The following DMD variants were observed in gnomAD, a reference collection of about 807,000 sequenced individuals.
DMD encodes the protein dystrophin.
Under a neutral mutation model 330.1 loss-of-function variants are expected in DMD, and 63 were observed. The observed-to-expected ratio is 0.19, with a 90% CI of 0.16 to 0.24. DMD has a LOEUF of 0.24. Ranked by LOEUF, DMD falls within the 10% of genes least tolerant of loss-of-function variation. The pLI, the probability that DMD is intolerant of heterozygous loss-of-function variation, is 1.00. For missense variants in DMD, 3,344 were observed against 2,684.1 expected, an observed-to-expected ratio of 1.25 and a Z score of -5.43; for synonymous variants, 1,223 against 959.8, an observed-to-expected ratio of 1.27 and a Z score of -5.07.
chrX:32,054,988 G>C (rs908032473), intron 44 of DMD, among the ~76,000 whole-genome samples: 6 of 110,808 alleles, frequency 5.4e-5, no homozygotes, highest in Admixed American at 1.9e-4. Flanking sequence ...TAGTTATTCT[G>C]TGCAAAAACG....
intron 44 of DMD, among the ~76,000 whole-genome samples, chrX:32,014,327 A>ACGT (rs766200459): frequency 9.1e-6 from 1 of 110,134 alleles, no homozygotes; most frequent in East Asian, 2.9e-4. Flanking sequence ...TCATTTCCAT[A>ACGT]ATACTTTAGG....
At chrX:32,566,002 C>G in intron 15 of DMD, 121 bp from the exon 16 acceptor site, 2 of 617,688 alleles carry the variant, frequency 3.2e-6, no homozygotes, top group African/African-American at 4.5e-5. Context: ...TCAATCGTGC[C>G]CGCAAAGGAT....
intron 1 of DMD, among the ~76,000 whole-genome samples, chrX:33,028,120 T>G (rs1454653833): frequency 8.9e-6 from 1 of 111,854 alleles, no homozygotes; most frequent in Non-Finnish European, 1.9e-5. Context: ...AAACTGTAAA[T>G]AAGAAGACAC....
chrX:31,543,216 G>T (rs1488096753), intron 55 of DMD, among the ~76,000 whole-genome samples: 2 of 110,238 alleles, frequency 1.8e-5, no homozygotes, highest in Non-Finnish European at 3.8e-5. Flanking sequence ...CTGTCGCCAG[G>T]CTGGAGTGCA....
At chrX:33,170,460 A>G (rs1455485211) in intron 1 of DMD, among the ~76,000 whole-genome samples, 1 of 111,299 alleles carries the variant, frequency 9.0e-6, no homozygotes, top group African/African-American at 3.3e-5. Flanking sequence ...GAAATTATAG[A>G]TTATGCTAGC....
intron 12 of DMD, among the ~76,000 whole-genome samples, chrX:32,596,578 T>C (rs5928035): frequency 0.15 from 15,978 of 109,590 alleles, 915 homozygotes; most frequent in Middle Eastern, 0.18. Flanking sequence ...GGATTCTCAC[T>C]GTGTCACCCA....
At chrX:32,364,914 A>G (rs2097849121) in intron 35 of DMD, 106 bp downstream of exon 35, 2 of 883,810 alleles carry the variant, frequency 2.3e-6, no homozygotes, top group Non-Finnish European at 3.3e-6. Context: ...GAGCCAGCAT[A>G]TACGTAGAAT....
intron 7 of DMD, among the ~76,000 whole-genome samples, chrX:32,705,336 T>A (rs1393628096): frequency 8.9e-6 from 1 of 112,330 alleles, no homozygotes; most frequent in African/African-American, 3.2e-5. Context: ...ATAATGGAAA[T>A]AATTTGCGTT....
Position 32,217,662 on chromosome X carries a change from A to G in DMD, c.6291-599T>C, listed in dbSNP as rs112771829. ...TTTTAAATTTTCTCACCACAGAGAA[A>G]TTATAAATGTTTGAGGCTATGGATC... On this transcript the variant is annotated intron_variant, in intron 43 of 78. Transcript: ENST00000357033. Among the ~76,000 whole-genome samples, 897 of 110,228 alleles carry G rather than the reference A, an allele frequency of 8.1e-3. 26 individuals are homozygous for G. The highest frequency in any genetic ancestry group is 0.029 in the African/African-American group (855 of 29,482).
At chrX:32,409,454 G>A (rs1057286479) in intron 30 of DMD, among the ~76,000 whole-genome samples, 4 of 110,994 alleles carry the variant, frequency 3.6e-5, no homozygotes, top group African/African-American at 1.3e-4. Flanking sequence ...AAAATATTTT[G>A]CTATTAAAAA....
At chrX:32,683,331 G>C in intron 9 of DMD, among the ~76,000 whole-genome samples, 1 of 110,499 alleles carries the variant, frequency 9.0e-6, no homozygotes, top group Admixed American at 9.7e-5. Context: ...CTGCTATAAA[G>C]ATACATGTAC....
chrX:32,893,429 C>T (rs2085400724), intron 2 of DMD, among the ~76,000 whole-genome samples: 1 of 104,403 alleles, frequency 9.6e-6, no homozygotes, highest in Non-Finnish European at 2.0e-5. Flanking sequence ...CACCTATCTC[C>T]TATATATGTT....
At chrX:32,435,275 C>CATAT (rs57376337) in intron 29 of DMD, among the ~76,000 whole-genome samples, 1,183 of 79,607 alleles carry the variant, frequency 0.015, 23 homozygotes, top group African/African-American at 0.045. Context: ...TATATACTTA[C>CATAT]ATATATATAT....
At chrX:31,884,971 T>A (rs2149724629) in intron 47 of DMD, among the ~76,000 whole-genome samples, 1 of 111,466 alleles carries the variant, frequency 9.0e-6, no homozygotes, top group Non-Finnish European at 1.9e-5. Context: ...TTTTATATGT[T>A]AAATAGAAAT....
chrX:32,747,215 A>G (rs980240314), intron 7 of DMD, among the ~76,000 whole-genome samples: 1 of 112,424 alleles, frequency 8.9e-6, no homozygotes, highest in Non-Finnish European at 1.9e-5. Context: ...CAATTTTCAA[A>G]TGGATTTTTT....
chrX:31,803,478 T>C (rs887362293), intron 50 of DMD, among the ~76,000 whole-genome samples: 3 of 112,389 alleles, frequency 2.7e-5, no homozygotes, highest in African/African-American at 9.7e-5. Context: ...ACACTTTATG[T>C]AAATACAACC....
chrX:31,129,932 C>T (rs942744099), intron 77 of DMD, among the ~76,000 whole-genome samples: 21 of 111,362 alleles, frequency 1.9e-4, no homozygotes, highest in Middle Eastern at 4.6e-3. Context: ...AGAATGTACG[C>T]GGGCTTATTT....
chrX:32,814,184 A>C (rs2077561113), intron 6 of DMD, among the ~76,000 whole-genome samples: 1 of 112,157 alleles, frequency 8.9e-6, no homozygotes, highest in Admixed American at 9.5e-5. Context: ...CACTAAAATA[A>C]GGATTTAGGA....
At chrX:31,969,352 T>C (rs958984081) in intron 44 of DMD, among the ~76,000 whole-genome samples, 2 of 111,943 alleles carry the variant, frequency 1.8e-5, no homozygotes, top group Non-Finnish European at 3.8e-5. Flanking sequence ...TTAAAAAAGA[T>C]AATCTAGAAT....
Sources: allele counts gnomAD v4.1 joint callset (sites outside exome capture counted in the v4.1 genomes callset), GRCh38; gene constraint gnomAD v4.1.1; transcripts MANE v1.5; gene names NCBI Gene and HGNC (gene_info 2026-07-23, HGNC 2026-07-21).